Variants in TMX4 observed in about 807,000 individuals in gnomAD.
TMX4 encodes the protein thioredoxin-related transmembrane protein 4.
TMX4 carries 23 observed loss-of-function variants against 33.3 expected under a neutral mutation model. The observed-to-expected ratio is 0.69, with a 90% CI of 0.50 to 0.98. The LOEUF (loss-of-function observed/expected upper bound fraction) is 0.98. Among genes scored for constraint, TMX4 ranks in the 50% least tolerant of loss-of-function variants. The pLI is 0.00. For missense variants in TMX4, 399 were observed against 448.9 expected (o/e 0.89, Z 1.01); for synonymous variants, 164 against 161.5 (o/e 1.02, Z -0.12).
chr20:7,978,289 G>A lies in TMX4; in HGVS notation c.*3962C>T, dbSNP rs966020354. 6.6e-6 allele frequency: 1 copy of A among 152,032 alleles called. No homozygotes were observed. Among genetic ancestry groups the A allele is most frequent in the Non-Finnish European group, 1.5e-5 (1 of 67,996 alleles). 9.4% of individuals were successfully genotyped at this position (152,032 alleles called of 1,614,324 possible). A position where few individuals can be genotyped will look rare whatever the true frequency, so the allele number is the denominator to read the frequency against. The stretch of plus-strand genomic sequence containing the variant: ...TAAAGATTTTATGCTGAAATCTCAG[G>A]TTTGCCGTAACTTTTCCACCTTTTT... On this transcript the variant is annotated 3_prime_UTR_variant, in exon 8 of 8. Transcript: ENST00000246024.
intron 6 of TMX4, among the ~76,000 whole-genome samples, chr20:7,986,475 G>A (rs1316789344): frequency 6.6e-6 from 1 of 152,112 alleles, no homozygotes; most frequent in Non-Finnish European, 1.5e-5. Flanking sequence ...CTTAAAGTCT[G>A]TTCTTTGACA....
intron 6 of TMX4, among the ~76,000 whole-genome samples, chr20:7,984,335 C>G (rs994448645): frequency 1.3e-5 from 2 of 152,160 alleles, no homozygotes; most frequent in Non-Finnish European, 2.9e-5. Flanking sequence ...GAGAGAACAG[C>G]AGCACCGCCT....
intron 1 of TMX4, among the ~76,000 whole-genome samples, chr20:8,017,912 T>C (rs1234660459): frequency 6.6e-6 from 1 of 152,208 alleles, no homozygotes; most frequent in African/African-American, 2.4e-5. Context: ...ATAATTTCAT[T>C]GATTTATTAT....
chr20:8,017,915 T>C (rs1348550694), intron 1 of TMX4, among the ~76,000 whole-genome samples: 1 of 152,174 alleles, frequency 6.6e-6, no homozygotes, highest in East Asian at 1.9e-4. Flanking sequence ...ATTTCATTGA[T>C]TTATTATGAT....
chr20:8,011,993 G>C (rs1225842436), intron 1 of TMX4, among the ~76,000 whole-genome samples: 1 of 151,934 alleles, frequency 6.6e-6, no homozygotes, highest in African/African-American at 2.4e-5. Context: ...ATAAACAAGT[G>C]TATCAACTTT....
chr20:8,008,995 A>C (rs2050741474), intron 2 of TMX4, among the ~76,000 whole-genome samples: 1 of 152,152 alleles, frequency 6.6e-6, no homozygotes, highest in African/African-American at 2.4e-5. Context: ...TTCATTATTT[A>C]AGTGTTTTTT....
chr20:8,019,159 C>T, intron 1 of TMX4: 1 of 478,160 alleles, frequency 2.1e-6, no homozygotes, highest in Non-Finnish European at 3.7e-6. Flanking sequence ...GCACCCTCGG[C>T]TGTCACCGCG....
chr20:7,987,413 A>G, intron 5 of TMX4, 24 bp from the exon 6 acceptor site: 1 of 1,536,158 alleles, frequency 6.5e-7, no homozygotes, highest in Non-Finnish European at 8.7e-7. Flanking sequence ...AAAAAAAATA[A>G]AACATTAATT....
chr20:7,984,678 A>G (rs561801642), intron 6 of TMX4, among the ~76,000 whole-genome samples: 73 of 152,244 alleles, frequency 4.8e-4, no homozygotes, highest in African/African-American at 1.7e-3. Context: ...ATGGGGTACA[A>G]TGTGATGTTT....
At chr20:8,017,730 T>C (rs778390915) in intron 1 of TMX4, among the ~76,000 whole-genome samples, 25 of 152,212 alleles carry the variant, frequency 1.6e-4, no homozygotes, top group Non-Finnish European at 2.5e-4. Context: ...TTCTGTAGTA[T>C]TGGCTGACAA....
intron 2 of TMX4, among the ~76,000 whole-genome samples, chr20:8,008,909 A>C (rs2050741167): frequency 6.6e-6 from 1 of 152,190 alleles, no homozygotes; most frequent in Non-Finnish European, 1.5e-5. Context: ...CTTTTAATAG[A>C]AATCTCGCTC....
In TMX4 at chr20:7,982,198, A is replaced by C; in HGVS notation, c.*53T>G. 1 of 1,548,560 alleles carries C rather than the reference A, an allele frequency of 6.5e-7. No individual in the cohort carries two copies. Among genetic ancestry groups the C allele is most frequent in the African/African-American group, 1.4e-5 (1 of 73,288 alleles). ...GGATTTGGTACAAACTGCAGGCCAAAGGGAAGCTGACATATTGTTTTGGTG... is the reference window on the plus strand; with the variant it reads ...GGATTTGGTACAAACTGCAGGCCAACGGGAAGCTGACATATTGTTTTGGTG... On this transcript the variant is annotated 3_prime_UTR_variant, in exon 8 of 8. Transcript: ENST00000246024.
In TMX4 at chr20:7,981,512, A is replaced by G. The variant is rs2050606027; in HGVS notation, c.*739T>C. ...ATTTCATTTGAGATGTTTGGCAGTC[A>G]CAGCTTCAGGGGTTATGGTTACTGA... On this transcript the variant is annotated 3_prime_UTR_variant, in exon 8 of 8. Coordinates refer to ENST00000246024, the MANE Select transcript of TMX4 (RefSeq NM_021156.4). 1 of 152,196 alleles carries G rather than the reference A, an allele frequency of 6.6e-6. No homozygotes were observed. The highest frequency in any genetic ancestry group is 2.4e-5 in the African/African-American group (1 of 41,454). 9.4% of individuals were successfully genotyped at this position (152,196 alleles called of 1,614,324 possible).
rs999012730 is a variant in TMX4 at position 7,978,389 on chromosome 20, T to C, written c.*3862A>G. On this transcript the variant is annotated 3_prime_UTR_variant, in exon 8 of 8. Coordinates refer to ENST00000246024, the MANE Select transcript of TMX4 (RefSeq NM_021156.4). ...ACATACCAGCTCCACTACTGATGCA[T>C]TTGGTAATAAAAAGTCACATGGTAA... 7 of 152,232 alleles carry C rather than the reference T, an allele frequency of 4.6e-5. No individual in the cohort carries two copies. Among genetic ancestry groups the C allele is most frequent in the African/African-American group, 1.7e-4 (7 of 41,450 alleles). 9.4% of individuals were successfully genotyped at this position (152,232 alleles called of 1,614,324 possible). A position where few individuals can be genotyped will look rare whatever the true frequency, so the allele number is the denominator to read the frequency against.
At chr20:8,016,803 C>T (rs1232134947) in intron 1 of TMX4, among the ~76,000 whole-genome samples, 1 of 152,120 alleles carries the variant, frequency 6.6e-6, no homozygotes, top group African/African-American at 2.4e-5. Flanking sequence ...TATCGGAAAG[C>T]TTCTCAATCT....
intron 1 of TMX4, among the ~76,000 whole-genome samples, chr20:8,015,943 G>T (rs1219678875): frequency 6.6e-6 from 1 of 152,190 alleles, no homozygotes; most frequent in Admixed American, 6.5e-5. Context: ...CTGAGTATCA[G>T]CTTGAATGTC....
At chr20:7,999,241 A>C (rs924793755) in intron 4 of TMX4, among the ~76,000 whole-genome samples, 9 of 152,298 alleles carry the variant, frequency 5.9e-5, no homozygotes, top group African/African-American at 2.2e-4. Flanking sequence ...AATCTACCTC[A>C]CCAAGTATTA....
chr20:8,013,294 T>C, intron 1 of TMX4, among the ~76,000 whole-genome samples: 1 of 152,222 alleles, frequency 6.6e-6, no homozygotes, highest in Admixed American at 6.5e-5. Context: ...CATAACTTTG[T>C]CTCTTACACA....
chr20:7,992,001 A>T (rs1406653306), intron 5 of TMX4, among the ~76,000 whole-genome samples: 1 of 152,222 alleles, frequency 6.6e-6, no homozygotes, highest in Non-Finnish European at 1.5e-5. Flanking sequence ...CACAAAACCC[A>T]AGAACTTCTA....
Sources: gnomAD v4.1 joint callset for allele counts (sites outside exome capture counted in the v4.1 genomes callset) on GRCh38, gnomAD v4.1.1 for gene constraint, MANE v1.5 for transcripts, NCBI Gene and HGNC (gene_info 2026-07-23, HGNC 2026-07-21) for gene names.